The following TMEM117 variants were observed in gnomAD, a reference collection of about 807,000 sequenced individuals.
The protein encoded by TMEM117 is transmembrane protein 117.
A neutral mutation model predicts 52.4 loss-of-function variants in TMEM117; 27 were observed. The observed-to-expected ratio is 0.51, with a 90% CI of 0.38 to 0.71. The LOEUF is 0.71. TMEM117 is among the 30% of genes least tolerant of loss of function. The pLI is 0.00. For synonymous variants in TMEM117, 215 were observed against 206.3 expected, an observed-to-expected ratio of 1.04 and a Z score of -0.36; for missense variants, 556 against 630.5, an observed-to-expected ratio of 0.88 and a Z score of 1.26.
intron 4 of TMEM117, among the ~76,000 whole-genome samples, chr12:44,195,818 C>A (rs1251802288): frequency 6.6e-6 from 1 of 151,660 alleles, no homozygotes; most frequent in East Asian, 1.9e-4. Flanking sequence ...ACCAGGGAGG[C>A]CAAGGCAGAA....
At chr12:44,297,758 C>G (rs1950786696) in intron 5 of TMEM117, among the ~76,000 whole-genome samples, 1 of 152,128 alleles carries the variant, frequency 6.6e-6, no homozygotes, top group Non-Finnish European at 1.5e-5. Context: ...TGAGGTTTCT[C>G]AAGCTCAAGA....
At chr12:44,061,907 T>A (rs1160760071) in intron 3 of TMEM117, among the ~76,000 whole-genome samples, 1 of 152,100 alleles carries the variant, frequency 6.6e-6, no homozygotes, top group Non-Finnish European at 1.5e-5. Flanking sequence ...TAAGAGGTGG[T>A]TATCTTTTCC....
intron 3 of TMEM117, among the ~76,000 whole-genome samples, chr12:44,140,377 T>C (rs1948554433): frequency 6.6e-6 from 1 of 152,158 alleles, no homozygotes; most frequent in African/African-American, 2.4e-5. Context: ...ACCCATGCCA[T>C]ATATAAATAA....
the TMEM117 span, chr12:43,800,563 G>T: frequency 6.6e-7 from 1 of 1,520,106 alleles, no homozygotes; most frequent in Non-Finnish European, 9.1e-7. Context: ...TTAGTTTATA[G>T]ATGAAAACAT....
chr12:43,830,655 C>A, the TMEM117 span, among the ~76,000 whole-genome samples: 4 of 151,366 alleles, frequency 2.6e-5, no homozygotes, highest in Admixed American at 2.0e-4. Flanking sequence ...AGTACCTTTG[C>A]CCAGCCATTT....
chr12:43,982,787 G>A (rs986229737), intron 3 of TMEM117, among the ~76,000 whole-genome samples: 1 of 152,138 alleles, frequency 6.6e-6, no homozygotes, highest in African/African-American at 2.4e-5. Flanking sequence ...AGAACACAGA[G>A]CGTATTCACA....
intron 2 of TMEM117, among the ~76,000 whole-genome samples, chr12:43,866,925 T>A (rs927323323): frequency 6.6e-6 from 1 of 152,146 alleles, no homozygotes; most frequent in Non-Finnish European, 1.5e-5. Flanking sequence ...ACACCGTCTC[T>A]ACTAAAAATA....
chr12:44,306,574 C>T (rs997803898), intron 6 of TMEM117, among the ~76,000 whole-genome samples: 4 of 152,166 alleles, frequency 2.6e-5, no homozygotes, highest in African/African-American at 9.7e-5. Flanking sequence ...TAAGTACCTG[C>T]TTGTCACCTG....
At chr12:44,097,766 G>C (rs768396427) in intron 3 of TMEM117, among the ~76,000 whole-genome samples, 2 of 138,112 alleles carry the variant, frequency 1.4e-5, no homozygotes, top group Non-Finnish European at 3.0e-5. Context: ...CCTAAATGAC[G>C]AGTTAATGGG....
intron 5 of TMEM117, among the ~76,000 whole-genome samples, chr12:44,254,893 G>A (rs1002462883): frequency 3.4e-4 from 51 of 151,880 alleles, no homozygotes; most frequent in Non-Finnish European, 8.8e-5. Context: ...CCACCTATGA[G>A]TGAGAACATG....
At chr12:44,186,740 C>A (rs562867715) in intron 4 of TMEM117, among the ~76,000 whole-genome samples, 21 of 151,874 alleles carry the variant, frequency 1.4e-4, no homozygotes, top group Admixed American at 9.2e-4. Flanking sequence ...TTATAATGAT[C>A]CTGTGAAAGA....
chr12:44,132,204 T>C (rs1948425316), intron 3 of TMEM117, among the ~76,000 whole-genome samples: 1 of 149,272 alleles, frequency 6.7e-6, no homozygotes, highest in Non-Finnish European at 1.5e-5. Flanking sequence ...TTTTTTTTTT[T>C]AGATGAAACT....
intron 3 of TMEM117, among the ~76,000 whole-genome samples, chr12:43,953,613 T>C (rs966615804): frequency 6.6e-6 from 1 of 152,160 alleles, no homozygotes; most frequent in African/African-American, 2.4e-5. Context: ...ATCCTAAATA[T>C]ATATGCACCC....
At chr12:44,179,078 C>A (rs1438391281) in intron 4 of TMEM117, among the ~76,000 whole-genome samples, 4 of 152,010 alleles carry the variant, frequency 2.6e-5, no homozygotes, top group Non-Finnish European at 5.9e-5. Context: ...CCTGTAATCC[C>A]AGCTACTCAG....
chr12:43,903,892 C>A (rs1016874605), intron 2 of TMEM117, among the ~76,000 whole-genome samples: 1 of 152,040 alleles, frequency 6.6e-6, no homozygotes, highest in Non-Finnish European at 1.5e-5. Flanking sequence ...GCCTCAATGA[C>A]TCCTTTATGT....
chr12:44,099,723 C>G (rs1274315974), intron 3 of TMEM117, among the ~76,000 whole-genome samples: 1 of 151,862 alleles, frequency 6.6e-6, no homozygotes, highest in Non-Finnish European at 1.5e-5. Flanking sequence ...ATTTCAATAT[C>G]AAATGTTACC....
At chr12:44,277,636 G>A (rs1032533323) in intron 5 of TMEM117, among the ~76,000 whole-genome samples, 3 of 151,744 alleles carry the variant, frequency 2.0e-5, no homozygotes, top group Non-Finnish European at 2.9e-5. Context: ...TGTCTGTCTC[G>A]TAGGGCTGCT....
At chr12:43,980,142 G>T (rs891846633) in intron 3 of TMEM117, among the ~76,000 whole-genome samples, 2 of 152,088 alleles carry the variant, frequency 1.3e-5, no homozygotes, top group African/African-American at 4.8e-5. Context: ...TGGAGGAGGG[G>T]GCTTAGGCAA....
chr12:44,078,074 A>G (rs1196333384), intron 3 of TMEM117, among the ~76,000 whole-genome samples: 1 of 152,228 alleles, frequency 6.6e-6, no homozygotes, highest in Non-Finnish European at 1.5e-5. Flanking sequence ...TACAGGAATT[A>G]AGTAATCATA....
Sources: gnomAD v4.1 joint callset for allele counts (sites outside exome capture counted in the v4.1 genomes callset) on GRCh38, gnomAD v4.1.1 for gene constraint, MANE v1.5 for transcripts, NCBI Gene and HGNC (gene_info 2026-07-23, HGNC 2026-07-21) for gene names.